TET2: variants seen among roughly 807,000 people sequenced by gnomAD.
The protein encoded by TET2 is tet methylcytosine dioxygenase 2, also known as methylcytosine dioxygenase TET2.
A neutral mutation model predicts 142.9 loss-of-function variants in TET2; 299 were observed. The ratio of observed to expected loss-of-function variants is 2.09; its 90% CI spans 1.90 to 2.30. The LOEUF (loss-of-function observed/expected upper bound fraction) is 2.30, where lower values mean the gene tolerates loss of function less well. TET2 is among the 30% of genes most tolerant of loss of function. TET2 has a pLI of 0.00. For synonymous variants in TET2, 819 were observed against 849.0 expected (o/e 0.96, Z 0.61); for missense variants, 2,418 against 2,378.0 (o/e 1.02, Z -0.35).
Position 105,243,693 on chromosome 4 carries a change from C to G in TET2, c.3718C>G (p.Leu1240Val), listed in dbSNP as rs2110255393. 2 of 1,551,600 alleles carry G rather than the reference C, an allele frequency of 1.3e-6. No individual in the cohort carries two copies. The highest frequency in any genetic ancestry group is 1.7e-6 in the Non-Finnish European group (2 of 1,146,958). ...ILVWEGIPLS[L>V]ADKLYSELTE... ...GGTGTGGGAAGGAATCCCGCTGTCT[C>G]TGGCTGACAAACTCTACTCGGAGCT... Residue 1240 changes from leucine to valine, a missense_variant, in exon 6 of 11, where the codon CTG becomes GTG. Physicochemically the swap from Leu to Val is conservative, Grantham distance 32. Transcript: ENST00000380013.
chr4:105,200,628 G>GT (rs59081353), intron 2 of TET2, among the ~76,000 whole-genome samples: 17 of 148,886 alleles, frequency 1.1e-4, no homozygotes, highest in East Asian at 2.0e-4. Flanking sequence ...AGGTCACACT[G>GT]TTTTTTTTTG....
Position 105,204,063 on chromosome 4 carries a change from G to A in TET2, c.-47+13558G>A, listed in dbSNP as rs537945263. Among the ~76,000 whole-genome samples, 6 of 152,162 alleles carry A rather than the reference G, an allele frequency of 3.9e-5. No individual in the cohort carries two copies. In the South Asian group the frequency reaches 6.2e-4, roughly 16 times the overall value. ...AAAATACAAAAATTAGCCAGGCGTA[G>A]TGGCAAGTGCCTGTAATCCCAGCTA... is the stretch of plus-strand genomic sequence containing the variant. On this transcript the variant is annotated intron_variant, in intron 2 of 10. Transcript: ENST00000380013.
intron 3 of TET2, chr4:105,239,013 C>G: frequency 4.2e-6 from 1 of 240,784 alleles, no homozygotes; most frequent in Non-Finnish European, 8.8e-6. Context: ...CATCGGAGCT[C>G]TTGGGTGACT....
Position 105,269,719 on chromosome 4 carries a change from T to C in TET2, c.4154T>C (p.Leu1385Ser). The C allele has an allele frequency of 6.4e-7, 1 of 1,551,652 alleles. No homozygotes were observed. The highest frequency in any genetic ancestry group is 8.7e-7 in the Non-Finnish European group (1 of 1,146,944). Residue 1385 changes from leucine (L) to serine (S), a missense_variant, in exon 9 of 11, where the codon TTG becomes TCG. Leu to Ser is a moderately radical substitution (Grantham distance 145). Coordinates refer to ENST00000380013, the MANE Select transcript of TET2 (RefSeq NM_001127208.3). ...TTCTGTGCTCATGCCCACAGAGACTTGCACAACATGCAGAATGGCAGCACA... is the reference window on the plus strand; with the variant it reads ...TTCTGTGCTCATGCCCACAGAGACTCGCACAACATGCAGAATGGCAGCACA... ...LDFCAHAHRD[L>S]HNMQNGSTLV...
At chr4:105,155,459 A>C (rs1723518740) in intron 1 of TET2, among the ~76,000 whole-genome samples, 1 of 152,246 alleles carries the variant, frequency 6.6e-6, no homozygotes, top group Admixed American at 6.5e-5. Flanking sequence ...AACTTCTACA[A>C]ACCACTTACA....
chr4:105,243,887 G>A (rs143364059), intron 6 of TET2, 109 bp downstream of exon 6: 3 of 925,462 alleles, frequency 3.2e-6, no homozygotes, highest in African/African-American at 3.3e-5. Context: ...TATAAAATGG[G>A]CATCAAAATG....
At chr4:105,247,964 C>T (rs1382421024) in intron 6 of TET2, among the ~76,000 whole-genome samples, 3 of 152,042 alleles carry the variant, frequency 2.0e-5, no homozygotes, top group Non-Finnish European at 4.4e-5. Context: ...TCAAGTGATC[C>T]GCCCACCTTG....
At position 105,275,567 on chromosome 4, in the gene TET2, G is replaced by A; in HGVS notation, c.5057G>A (p.Ser1686Asn). The A allele has an allele frequency of 6.4e-7, 1 of 1,551,682 alleles. No homozygotes were observed. The highest frequency in any genetic ancestry group is 8.7e-7 in the Non-Finnish European group (1 of 1,146,976). Residue 1686 changes from serine to asparagine, a missense_variant, in exon 11 of 11, where the codon AGC becomes AAC. Transcript: ENST00000380013. The stretch of plus-strand genomic sequence containing the variant: ...CTTTACCAGCCAAGGTTTGGAAATA[G>A]CCAGAGTTTTACATCTAAATACTTA... ...HTLYQPRFGN[S>N]QSFTSKYLGY...
At chr4:105,251,365 G>A (rs1376955190) in intron 6 of TET2, among the ~76,000 whole-genome samples, 1 of 152,030 alleles carries the variant, frequency 6.6e-6, no homozygotes, top group Non-Finnish European at 1.5e-5. Context: ...CTAGTTGTAG[G>A]TTTTGTTTAA....
At chr4:105,216,800 C>G (rs1431328250) in intron 2 of TET2, among the ~76,000 whole-genome samples, 1 of 152,060 alleles carries the variant, frequency 6.6e-6, no homozygotes, top group East Asian at 1.9e-4. Context: ...TAGTTATAAT[C>G]GTGATAACAG....
chr4:105,202,070 C>A (rs1385901646), intron 2 of TET2, among the ~76,000 whole-genome samples: 1 of 152,072 alleles, frequency 6.6e-6, no homozygotes. Flanking sequence ...TTACCAACTT[C>A]TGTCTTCCAG....
intron 8 of TET2, among the ~76,000 whole-genome samples, chr4:105,266,338 T>C (rs555854236): frequency 7.9e-5 from 12 of 151,500 alleles, no homozygotes; most frequent in African/African-American, 2.9e-4. Context: ...TGCATCACAG[T>C]ACAAAAATTA....
intron 1 of TET2, among the ~76,000 whole-genome samples, chr4:105,185,324 G>C (rs1160688697): frequency 6.6e-6 from 1 of 152,162 alleles, no homozygotes; most frequent in East Asian, 1.9e-4. Context: ...CACAGGCTCT[G>C]GAGGCCCTGC....
At chr4:105,171,530 A>G (rs374982796) in intron 1 of TET2, 47 of 152,336 alleles carry the variant, frequency 3.1e-4, no homozygotes, top group Non-Finnish European at 8.8e-5. Context: ...GAAGATTAGA[A>G]TAAGAGAAAA....
At chr4:105,177,217 G>A (rs555451103) in intron 1 of TET2, among the ~76,000 whole-genome samples, 1 of 152,272 alleles carries the variant, frequency 6.6e-6, no homozygotes, top group South Asian at 2.1e-4. Context: ...CTTTGGTATG[G>A]CAGTGGCATT....
chr4:105,209,830 G>A (rs1172344446), intron 2 of TET2, among the ~76,000 whole-genome samples: 1 of 152,128 alleles, frequency 6.6e-6, no homozygotes, highest in Admixed American at 6.6e-5. Context: ...TTGGGCTTCA[G>A]TATGAATAGG....
chr4:105,208,368 A>C (rs1182985317), intron 2 of TET2, among the ~76,000 whole-genome samples: 2 of 152,116 alleles, frequency 1.3e-5, no homozygotes, highest in African/African-American at 4.8e-5. Context: ...TAAACAACCC[A>C]AATGGCTAGC....
At chr4:105,166,131 T>C (rs1433116610) in intron 1 of TET2, among the ~76,000 whole-genome samples, 4 of 152,174 alleles carry the variant, frequency 2.6e-5, no homozygotes, top group African/African-American at 9.6e-5. Flanking sequence ...AATGCCATGA[T>C]TGTAATAAAT....
chr4:105,174,863 T>C (rs1724688091), intron 1 of TET2, among the ~76,000 whole-genome samples: 2 of 152,198 alleles, frequency 1.3e-5, no homozygotes, highest in South Asian at 2.1e-4. Context: ...GCCTAAACTT[T>C]TGGGATTTTA....
Sources: gnomAD v4.1 joint callset for allele counts (sites outside exome capture counted in the v4.1 genomes callset) on GRCh38, gnomAD v4.1.1 for gene constraint, MANE v1.5 for transcripts, NCBI Gene and HGNC (gene_info 2026-07-23, HGNC 2026-07-21) for gene names.